The following REDIC1 variants were observed in gnomAD, a reference collection of about 807,000 sequenced individuals.
REDIC1 encodes the protein HEI10 Interacting Protein 1.
the REDIC1 span, chr12:39,829,393 T>TTTTTTTTTG: frequency 2.4e-5 from 1 of 41,256 alleles, no homozygotes; most frequent in African/African-American, 7.6e-5. Context: ...ATAGTAATTC[T>TTTTTTTTTG]TTTTTTTTTT....
the REDIC1 span, among the ~76,000 whole-genome samples, chr12:39,654,604 G>T: frequency 6.6e-6 from 1 of 151,654 alleles, no homozygotes; most frequent in Non-Finnish European, 1.5e-5. Flanking sequence ...AAAAAAAACT[G>T]CTTGGTGTAT....
chr12:39,829,867 T>C, the REDIC1 span: 4 of 525,068 alleles, frequency 7.6e-6, no homozygotes, highest in Admixed American at 6.4e-5. Flanking sequence ...CAAACTCCTA[T>C]ACCTTATTAG....
At chr12:39,687,945 T>C in the REDIC1 span, among the ~76,000 whole-genome samples, 1 of 152,212 alleles carries the variant, frequency 6.6e-6, no homozygotes, top group Non-Finnish European at 1.5e-5. Context: ...GAGGTCACAC[T>C]CTCAAGCCAA....
At chr12:39,666,700 C>G in the REDIC1 span, among the ~76,000 whole-genome samples, 32 of 152,100 alleles carry the variant, frequency 2.1e-4, no homozygotes, top group Non-Finnish European at 3.5e-4. Context: ...TGGTCCTGGA[C>G]TTGTTTTGGT....
chr12:39,705,095 A>T, the REDIC1 span, among the ~76,000 whole-genome samples: 1 of 150,864 alleles, frequency 6.6e-6, no homozygotes, highest in African/African-American at 2.5e-5. Context: ...AATTAAATTA[A>T]AAAAATAAAT....
the REDIC1 span, among the ~76,000 whole-genome samples, chr12:39,708,177 T>G: frequency 6.6e-6 from 1 of 151,802 alleles, no homozygotes; most frequent in Non-Finnish European, 1.5e-5. Context: ...TTAGATGATT[T>G]GTAACCCAAA....
the REDIC1 span, chr12:39,736,863 C>A: frequency 1.3e-5 from 2 of 152,176 alleles, no homozygotes; most frequent in African/African-American, 4.8e-5. Context: ...TTTGGGTCTT[C>A]TCAGCCCAAG....
chr12:39,664,881 GA>G, the REDIC1 span, among the ~76,000 whole-genome samples: 1 of 152,166 alleles, frequency 6.6e-6, no homozygotes, highest in African/African-American at 2.4e-5. Context: ...CTTCTTTTGA[GA>G]AGTGTCTGTT....
chr12:39,783,996 T>C, the REDIC1 span, among the ~76,000 whole-genome samples: 2 of 151,978 alleles, frequency 1.3e-5, no homozygotes, highest in Non-Finnish European at 2.9e-5. Context: ...GAGAATAAAA[T>C]ACCTAGGAAT....
At chr12:39,777,192 T>C in the REDIC1 span, among the ~76,000 whole-genome samples, 5 of 152,320 alleles carry the variant, frequency 3.3e-5, no homozygotes, top group East Asian at 5.8e-4. Context: ...TTTCTTGCCA[T>C]AATGAGCCAA....
At chr12:39,746,559 G>A in the REDIC1 span, among the ~76,000 whole-genome samples, 2 of 152,228 alleles carry the variant, frequency 1.3e-5, no homozygotes, top group Non-Finnish European at 2.9e-5. Context: ...GTCCCTGTCT[G>A]ACAGCTTTGA....
At chr12:39,819,183 T>C in the REDIC1 span, among the ~76,000 whole-genome samples, 1 of 152,178 alleles carries the variant, frequency 6.6e-6, no homozygotes, top group South Asian at 2.1e-4. Flanking sequence ...TTTTAAGCCT[T>C]AAATGAAATT....
At chr12:39,664,440 G>A in the REDIC1 span, among the ~76,000 whole-genome samples, 3 of 152,118 alleles carry the variant, frequency 2.0e-5, no homozygotes, top group South Asian at 2.1e-4. Context: ...ATTCCATGGT[G>A]TATATGTGCC....
At chr12:39,824,347 C>T in the REDIC1 span, among the ~76,000 whole-genome samples, 9 of 152,134 alleles carry the variant, frequency 5.9e-5, no homozygotes, top group African/African-American at 1.9e-4. Context: ...ATTCTAGCAG[C>T]GCTCTTACAA....
At chr12:39,735,706 AAGATT>A in the REDIC1 span, among the ~76,000 whole-genome samples, 1 of 152,250 alleles carries the variant, frequency 6.6e-6, no homozygotes, top group African/African-American at 2.4e-5. Context: ...ACCCTTTGCA[AAGATT>A]TGAGGTAGTA....
chr12:39,874,549 A>T, the REDIC1 span, among the ~76,000 whole-genome samples: 6 of 151,564 alleles, frequency 4.0e-5, no homozygotes, highest in African/African-American at 1.5e-4. Flanking sequence ...TGGGAGGCGA[A>T]GATTGCAGTG....
chr12:39,830,015 G>A, the REDIC1 span: 30 of 1,527,718 alleles, frequency 2.0e-5, no homozygotes, highest in Non-Finnish European at 2.7e-5. Context: ...TAAAAGAACT[G>A]CTATAAGTGC....
At chr12:39,686,704 C>G in the REDIC1 span, among the ~76,000 whole-genome samples, 1 of 152,184 alleles carries the variant, frequency 6.6e-6, no homozygotes, top group Non-Finnish European at 1.5e-5. Flanking sequence ...AATTCCTTCC[C>G]GGAAAATGGG....
chr12:39,824,237 A>G, the REDIC1 span, among the ~76,000 whole-genome samples: 1 of 152,228 alleles, frequency 6.6e-6, no homozygotes, highest in Non-Finnish European at 1.5e-5. Flanking sequence ...GAATGGTCCT[A>G]GTTAACTGGC....
Sources: allele counts gnomAD v4.1 joint callset (sites outside exome capture counted in the v4.1 genomes callset), GRCh38; gene constraint gnomAD v4.1.1; transcripts MANE v1.5; gene names NCBI Gene and HGNC (gene_info 2026-07-23, HGNC 2026-07-21).